TLCD4: variants seen among roughly 807,000 people sequenced by gnomAD.
TLCD4 encodes TLC domain-containing protein 4.
Under a neutral mutation model 24.2 loss-of-function variants are expected in TLCD4, and 7 were observed. That is an observed-to-expected ratio of 0.29 (90% CI 0.16 to 0.54). The LOEUF is 0.54. Among genes scored for constraint, TLCD4 ranks in the 20% least tolerant of loss-of-function variants. The pLI is 0.95. For missense variants in TLCD4, 259 were observed against 313.9 expected, an observed-to-expected ratio of 0.82 and a Z score of 1.32; for synonymous variants, 103 against 106.4, an observed-to-expected ratio of 0.97 and a Z score of 0.20.
intron 1 of TLCD4, among the ~76,000 whole-genome samples, chr1:95,118,942 T>G (rs1236718937): frequency 6.6e-6 from 1 of 152,158 alleles, no homozygotes; most frequent in Non-Finnish European, 1.5e-5. Context: ...GTGCTTCTTT[T>G]TTTTTCTACG....
chr1:95,191,600 T>C lies in TLCD4; in HGVS notation c.524T>C (p.Ile175Thr), dbSNP rs1419209331. 6.2e-7 allele frequency: 1 copy of C among 1,614,036 alleles called. No homozygotes were observed. ...KYPKFSKAIV[I>T]NGILMTVVFF... Reference sequence around the variant, plus strand: ...CCCAAGTTTTCTAAAGCTATCGTTATCAATGGAATACTCATGACAGTAGTA... The same window carrying C: ...CCCAAGTTTTCTAAAGCTATCGTTACCAATGGAATACTCATGACAGTAGTA... The change falls in exon 7 of 7, where the codon ATC (isoleucine) becomes ACC (threonine). Residue 175 changes from isoleucine (I) to threonine (T), a missense_variant. Physicochemically the swap from Ile to Thr is moderately conservative, Grantham distance 89. Transcript: ENST00000370203.
At chr1:95,159,882 A>G (rs1435926372) in intron 5 of TLCD4, among the ~76,000 whole-genome samples, 1 of 152,214 alleles carries the variant, frequency 6.6e-6, no homozygotes, top group Non-Finnish European at 1.5e-5. Context: ...TTTTGGTACC[A>G]GTACCATGCT....
intron 3 of TLCD4, among the ~76,000 whole-genome samples, chr1:95,149,839 A>C (rs1278201845): frequency 6.6e-6 from 1 of 152,184 alleles, no homozygotes; most frequent in African/African-American, 2.4e-5. Context: ...ACTCCAGGTC[A>C]AATTTTCCTG....
chr1:95,137,760 C>T (rs571174142), intron 1 of TLCD4, among the ~76,000 whole-genome samples: 174 of 150,364 alleles, frequency 1.2e-3, no homozygotes, highest in African/African-American at 4.2e-3. Context: ...TCTGAAACAG[C>T]GTCTTGCACG....
intron 6 of TLCD4, among the ~76,000 whole-genome samples, chr1:95,180,233 A>G (rs1015295657): frequency 6.6e-6 from 1 of 152,234 alleles, no homozygotes; most frequent in Non-Finnish European, 1.5e-5. Flanking sequence ...TTTGACACTA[A>G]TAGGCACCTC....
At chr1:95,160,261 T>C (rs1289262884) in intron 5 of TLCD4, among the ~76,000 whole-genome samples, 2 of 152,338 alleles carry the variant, frequency 1.3e-5, no homozygotes, top group East Asian at 3.9e-4. Flanking sequence ...TTATTATCTT[T>C]GTAGCAATAG....
intron 4 of TLCD4, among the ~76,000 whole-genome samples, chr1:95,150,787 T>A (rs998111529): frequency 7.9e-5 from 12 of 152,174 alleles, no homozygotes; most frequent in African/African-American, 2.9e-4. Flanking sequence ...ACGATTTGTT[T>A]TATAAATGAG....
intron 5 of TLCD4, among the ~76,000 whole-genome samples, chr1:95,170,330 CTTT>C (rs10664436): frequency 4.7e-4 from 60 of 126,614 alleles, no homozygotes; most frequent in South Asian, 1.8e-3. Flanking sequence ...ACAAATCATT[CTTT>C]TTTTTTTTTT....
At chr1:95,191,159 T>C (rs1002252978) in intron 6 of TLCD4, among the ~76,000 whole-genome samples, 1 of 152,154 alleles carries the variant, frequency 6.6e-6, no homozygotes, top group Admixed American at 6.6e-5. Flanking sequence ...AGGTGTGAGA[T>C]CTCTGCTTAA....
chr1:95,154,765 A>G (rs1017244675), intron 5 of TLCD4, among the ~76,000 whole-genome samples: 1 of 151,720 alleles, frequency 6.6e-6, no homozygotes, highest in Non-Finnish European at 1.5e-5. Context: ...TATTAAACAT[A>G]GTAATAGATT....
At chr1:95,143,776 C>A in intron 1 of TLCD4, 115 bp from the exon 2 acceptor site, 1 of 1,018,142 alleles carries the variant, frequency 9.8e-7, no homozygotes, top group African/African-American at 1.7e-5. Flanking sequence ...ATATTCTTAA[C>A]ATTTGTTCTA....
intron 1 of TLCD4, among the ~76,000 whole-genome samples, chr1:95,123,547 A>G (rs74103664): frequency 0.017 from 2,535 of 152,334 alleles, 46 homozygotes; most frequent in Middle Eastern, 0.065. Flanking sequence ...TAAATGATCA[A>G]TATTTAAGAG....
At chr1:95,118,938 C>CT (rs200242346) in intron 1 of TLCD4, among the ~76,000 whole-genome samples, 7 of 151,596 alleles carry the variant, frequency 4.6e-5, no homozygotes, top group African/African-American at 7.3e-5. Flanking sequence ...GAGGGTGCTT[C>CT]TTTTTTTTTC....
chr1:95,188,127 C>T (rs1678890739), intron 6 of TLCD4, among the ~76,000 whole-genome samples: 2 of 152,172 alleles, frequency 1.3e-5, no homozygotes, highest in African/African-American at 4.8e-5. Flanking sequence ...GTAGCTCACG[C>T]CTGTAATCCC....
chr1:95,163,560 T>G (rs1677905015), intron 5 of TLCD4: 1 of 152,260 alleles, frequency 6.6e-6, no homozygotes, highest in African/African-American at 2.4e-5. Context: ...GGAGCTGCGT[T>G]ACTTTGGAGG....
In TLCD4 at chr1:95,145,751, G is replaced by A. The variant is rs116021204; in HGVS notation, c.155+1695G>A. Among the ~76,000 whole-genome samples, 1,519 of 152,248 alleles carry A rather than the reference G, an allele frequency of 1.0e-2. 24 individuals are homozygous for A. Among genetic ancestry groups the A allele is most frequent in the African/African-American group, 0.033 (1,386 of 41,556 alleles). On this transcript the variant is annotated intron_variant, in intron 2 of 6. Coordinates refer to ENST00000370203, the MANE Select transcript of TLCD4 (RefSeq NM_152487.3). ...CTGCAAGTCAGAGAAATAGGAAAGG[G>A]TACAGAGAGATGGAAGCCAAGATGA...
the TLCD4 span, among the ~76,000 whole-genome samples, chr1:95,111,126 CATAAA>C: frequency 1.9e-5 from 2 of 106,102 alleles, no homozygotes; most frequent in Non-Finnish European, 4.2e-5. Flanking sequence ...ACTATCTCCA[CATAAA>C]ATAAAAAAAA....
chr1:95,113,179 A>C (rs972721530), upstream of TLCD4, among the ~76,000 whole-genome samples: 4 of 151,262 alleles, frequency 2.6e-5, no homozygotes, highest in Admixed American at 1.3e-4. Context: ...AGTAGCTGGG[A>C]TTACAGGCGT....
At chr1:95,171,242 A>G (rs1178439353) in intron 5 of TLCD4, among the ~76,000 whole-genome samples, 1 of 152,100 alleles carries the variant, frequency 6.6e-6, no homozygotes, top group East Asian at 1.9e-4. Flanking sequence ...GTGAGCCACC[A>G]TGCCCAGCCT....
Sources: gnomAD v4.1 joint callset for allele counts (sites outside exome capture counted in the v4.1 genomes callset) on GRCh38, gnomAD v4.1.1 for gene constraint, MANE v1.5 for transcripts, NCBI Gene and HGNC (gene_info 2026-07-23, HGNC 2026-07-21) for gene names.